The following RAB31 variants were observed in gnomAD, a reference collection of about 807,000 sequenced individuals.
RAB31 encodes the protein ras-related protein Rab-31.
A neutral mutation model predicts 25.6 loss-of-function variants in RAB31; 21 were observed. That is an observed-to-expected ratio of 0.82 (90% CI 0.58 to 1.18). The LOEUF is 1.18. Ranked by LOEUF, RAB31 falls within the 50% of genes most tolerant of loss-of-function variation. RAB31 has a pLI of 0.00. For synonymous variants in RAB31, 87 were observed against 84.0 expected (o/e 1.04, Z -0.20); for missense variants, 196 against 250.1 (o/e 0.78, Z 1.46).
At chr18:9,745,792 T>C (rs76205002) in intron 1 of RAB31, among the ~76,000 whole-genome samples, 3 of 152,132 alleles carry the variant, frequency 2.0e-5, no homozygotes, top group Non-Finnish European at 4.4e-5. Flanking sequence ...TTAAAGGACA[T>C]TTGTGAAAAA....
chr18:9,845,955 T>G (rs1256189854), intron 6 of RAB31, among the ~76,000 whole-genome samples: 1 of 152,238 alleles, frequency 6.6e-6, no homozygotes, highest in East Asian at 1.9e-4. Flanking sequence ...AAAATAAAAT[T>G]TATTTTAATT....
rs1010844224 is a variant in RAB31, at chr18:9,845,610, T to G, written c.409T>G (p.Tyr137Asp). 2 of 1,564,222 alleles carry G rather than the reference T, an allele frequency of 1.3e-6. No homozygotes were observed. The highest frequency in any genetic ancestry group is 1.7e-6 in the Non-Finnish European group (2 of 1,154,506). Residue 137 changes from tyrosine (Y) to aspartate (D), a missense_variant, in exon 6 of 7, where the codon TAC becomes GAC. Physicochemically the swap from Tyr to Asp is radical, Grantham distance 160 (BLOSUM62 -3). Transcript: ENST00000578921. ...GGTTCCCCTGAAGGATGCTAAGGAATACGCTGAATCCATAGGTGCCATCGT... is the reference window on the plus strand; with the variant it reads ...GGTTCCCCTGAAGGATGCTAAGGAAGACGCTGAATCCATAGGTGCCATCGT... ...REVPLKDAKE[Y>D]AESIGAIVVE...
chr18:9,791,262 C>G (rs2068458091), intron 2 of RAB31, among the ~76,000 whole-genome samples: 1 of 152,020 alleles, frequency 6.6e-6, no homozygotes, highest in South Asian at 2.1e-4. Context: ...ACATTACATG[C>G]CAACATACCA....
At chr18:9,728,288 T>C (rs909431681) in intron 1 of RAB31, among the ~76,000 whole-genome samples, 3 of 152,244 alleles carry the variant, frequency 2.0e-5, no homozygotes, top group Non-Finnish European at 4.4e-5. Flanking sequence ...GTTGAGGTAG[T>C]TTTCATTTTT....
chr18:9,841,010 C>A (rs2068730677), intron 5 of RAB31, among the ~76,000 whole-genome samples: 1 of 152,092 alleles, frequency 6.6e-6, no homozygotes, highest in African/African-American at 2.4e-5. Flanking sequence ...TCACTGCAGC[C>A]CCAAACTCAC....
At chr18:9,840,760 C>G (rs561497965) in intron 5 of RAB31, among the ~76,000 whole-genome samples, 1 of 152,178 alleles carries the variant, frequency 6.6e-6, no homozygotes, top group South Asian at 2.1e-4. Context: ...TTCTGGTATC[C>G]CCAAGTTATC....
intron 3 of RAB31, among the ~76,000 whole-genome samples, chr18:9,802,768 G>A (rs926280513): frequency 6.6e-6 from 1 of 152,232 alleles, no homozygotes; most frequent in Non-Finnish European, 1.5e-5. Context: ...GTGCGGAATC[G>A]CTGGGTCTGA....
At chr18:9,847,770 C>T (rs754467775) in intron 6 of RAB31, among the ~76,000 whole-genome samples, 1 of 152,082 alleles carries the variant, frequency 6.6e-6, no homozygotes, top group African/African-American at 2.4e-5. Flanking sequence ...ATCAAGGTCT[C>T]GCCATGTTGC....
intron 5 of RAB31, 83 bp from the exon 6 acceptor site, chr18:9,845,499 C>A (rs930317056): frequency 8.1e-7 from 1 of 1,228,328 alleles, no homozygotes; most frequent in Non-Finnish European, 1.1e-6. Flanking sequence ...GAGCTGTTGC[C>A]GCACAAGCTG....
At chr18:9,718,440 G>A (rs1002384174) in intron 1 of RAB31, among the ~76,000 whole-genome samples, 5 of 151,468 alleles carry the variant, frequency 3.3e-5, no homozygotes, top group East Asian at 3.9e-4. Flanking sequence ...TGTATTTTTA[G>A]TAGAGATGGG....
rs188517085 is a variant in RAB31, at chr18:9,745,383, T to A, written c.40-29895T>A. Among the ~76,000 whole-genome samples, 149 of 152,282 alleles carry A rather than the reference T, an allele frequency of 9.8e-4. 1 individual carries two copies. The highest frequency in any genetic ancestry group is 3.3e-3 in the African/African-American group (137 of 41,574). ...ACCAAACATTTAAAGAAGCATAACA[T>A]CAGTTGCTCTTAATCTCTTCCAAAT... is the stretch of plus-strand genomic sequence containing the variant. On this transcript the variant is annotated intron_variant, in intron 1 of 6. Coordinates refer to ENST00000578921, the MANE Select transcript of RAB31 (RefSeq NM_006868.4).
intron 3 of RAB31, among the ~76,000 whole-genome samples, chr18:9,792,573 C>G (rs3786428): frequency 0.28 from 41,994 of 151,954 alleles, 6,632 homozygotes; most frequent in African/African-American, 0.43. Context: ...GGGTGGTAAC[C>G]ATGGCCCCAA....
chr18:9,792,116 A>G, intron 2 of RAB31, 38 bp from the exon 3 acceptor site: 1 of 1,576,560 alleles, frequency 6.3e-7, no homozygotes, highest in South Asian at 1.2e-5. Context: ...GTGAAGAAAC[A>G]ATGCAGTAAT....
chr18:9,742,996 T>A (rs1283766635), intron 1 of RAB31, among the ~76,000 whole-genome samples: 2 of 152,212 alleles, frequency 1.3e-5, no homozygotes, highest in African/African-American at 4.8e-5. Context: ...TCTTTCAACA[T>A]GTTGATGTTC....
intron 1 of RAB31, among the ~76,000 whole-genome samples, chr18:9,742,097 C>T (rs952246649): frequency 5.3e-5 from 8 of 152,164 alleles, no homozygotes; most frequent in East Asian, 1.9e-4. Context: ...GAAGACCACC[C>T]GGCAAAGCAC....
rs2996 is a variant in RAB31, at chr18:9,860,161, C to T, written c.*836C>T. ...TTCGTCCTCTCTTAGAGAAGTTTAA[C>T]GCACATAGTATTATTTTACTAAGAG... On this transcript the variant is annotated 3_prime_UTR_variant, in exon 7 of 7. Transcript: ENST00000578921. 1.3e-5 allele frequency: 2 copies of T among 152,018 alleles called. No homozygotes were observed. The highest frequency in any genetic ancestry group is 3.9e-4 in the East Asian group (2 of 5,188). The allele number at this position is 152,018 out of a possible 1,614,324, so 9.4% of individuals were successfully genotyped here.
intron 1 of RAB31, among the ~76,000 whole-genome samples, chr18:9,733,063 T>C (rs951878586): frequency 6.6e-6 from 1 of 152,144 alleles, no homozygotes; most frequent in African/African-American, 2.4e-5. Context: ...AACAAGCAAA[T>C]AGAATGGCGA....
chr18:9,709,433 C>T (rs760811323), intron 1 of RAB31, among the ~76,000 whole-genome samples: 18 of 152,174 alleles, frequency 1.2e-4, no homozygotes, highest in Admixed American at 7.9e-4. Flanking sequence ...AAACCATTTC[C>T]TAAAAAAGGG....
intron 5 of RAB31, among the ~76,000 whole-genome samples, chr18:9,822,507 T>C (rs2068628944): frequency 6.6e-6 from 1 of 152,138 alleles, no homozygotes; most frequent in South Asian, 2.1e-4. Context: ...CTGTGAAATA[T>C]TGAGGTGTGA....
Sources: allele counts gnomAD v4.1 joint callset (sites outside exome capture counted in the v4.1 genomes callset), GRCh38; gene constraint gnomAD v4.1.1; transcripts MANE v1.5; gene names NCBI Gene and HGNC (gene_info 2026-07-23, HGNC 2026-07-21).